The following PTP4A3 variants were observed in gnomAD, a reference collection of about 807,000 sequenced individuals.
The protein encoded by PTP4A3 is protein tyrosine phosphatase type IVA 3.
Under a neutral mutation model 15.2 loss-of-function variants are expected in PTP4A3, and 9 were observed. That is an observed-to-expected ratio of 0.59 (90% confidence interval 0.36 to 1.03). The LOEUF is 1.03. Among genes scored for constraint, PTP4A3 ranks in the 50% least tolerant of loss-of-function variants. PTP4A3 has a pLI of 0.02. For missense variants in PTP4A3, 234 were observed against 252.1 expected (o/e 0.93, Z 0.49); for synonymous variants, 95 against 102.0 (o/e 0.93, Z 0.41).
intron 1 of PTP4A3, among the ~76,000 whole-genome samples, chr8:141,402,848 TC>T: frequency 6.6e-6 from 1 of 151,808 alleles, no homozygotes; most frequent in East Asian, 1.9e-4. Context: ...ATCCCCAGCC[TC>T]CCCTGAAGAG....
At position 141,421,369 on chromosome 8, in the gene PTP4A3, C is replaced by T. The variant is rs1052060467; in HGVS notation, c.-853-19C>T. The T allele has an allele frequency of 1.3e-5, 2 of 152,272 alleles. No individual in the cohort carries two copies. The highest frequency in any genetic ancestry group is 2.9e-5 in the Non-Finnish European group (2 of 68,080). 9.4% of individuals were successfully genotyped at this position (152,272 alleles called of 1,614,324 possible). A position where few individuals can be genotyped will look rare whatever the true frequency, so the allele number is the denominator to read the frequency against. ...CCCTGTGATCCCTTTCTATTCATTT[C>T]CTTCGTCTTTCCCCACAGATGCTGT... On this transcript the variant is annotated intron_variant, in intron 1 of 5. Transcript: ENST00000521578.
intron 1 of PTP4A3, among the ~76,000 whole-genome samples, chr8:141,395,150 T>C (rs1487596316): frequency 2.0e-5 from 3 of 152,128 alleles, no homozygotes; most frequent in Non-Finnish European, 4.4e-5. Flanking sequence ...CGTGCCAGTG[T>C]GGGTGGGGCA....
At position 141,406,320 on chromosome 8, in the gene PTP4A3, C is replaced by A. The variant is rs1179094065; in HGVS notation, c.-854+14236C>A. ...CCTTGCACTTGATTCTGTGATGTGC[C>A]TGGACTGGGGATTGTGGAGGCCTGT... On this transcript the variant is annotated intron_variant, in intron 1 of 5. Transcript: ENST00000521578. The surrounding 1 kb of genome is among the most constrained non-coding windows in gnomAD (Gnocchi z 4.5). 6.6e-6 allele frequency among the ~76,000 whole-genome samples: 1 copy of A among 152,136 alleles called. No homozygotes were observed. Among genetic ancestry groups the A allele is most frequent in the African/African-American group, 2.4e-5 (1 of 41,428 alleles).
At chr8:141,416,218 G>GC (rs1366125243) in intron 1 of PTP4A3, among the ~76,000 whole-genome samples, 1 of 152,006 alleles carries the variant, frequency 6.6e-6, no homozygotes, top group Non-Finnish European at 1.5e-5. Flanking sequence ...GAAAACTGAG[G>GC]CTGGGGGGCA....
intron 1 of PTP4A3, among the ~76,000 whole-genome samples, chr8:141,417,890 C>A (rs927417117): frequency 3.9e-5 from 6 of 151,946 alleles, no homozygotes; most frequent in Non-Finnish European, 5.9e-5. Flanking sequence ...TATAAATAGC[C>A]GCAGGCGGCG....
At chr8:141,400,571 A>G (rs1832565714) in intron 1 of PTP4A3, among the ~76,000 whole-genome samples, 1 of 152,184 alleles carries the variant, frequency 6.6e-6, no homozygotes, top group Non-Finnish European at 1.5e-5. Flanking sequence ...CCCCACCCCC[A>G]TGATGGGCTC....
intron 2 of PTP4A3, among the ~76,000 whole-genome samples, chr8:141,424,121 G>T (rs1031630593): frequency 1.3e-5 from 2 of 152,076 alleles, no homozygotes; most frequent in African/African-American, 4.8e-5. Context: ...TGGCCACAGA[G>T]CCCAGCACCC....
At chr8:141,412,636 T>C (rs1165585226) in intron 1 of PTP4A3, among the ~76,000 whole-genome samples, 2 of 152,196 alleles carry the variant, frequency 1.3e-5, no homozygotes, top group Non-Finnish European at 2.9e-5. Flanking sequence ...GCACATGGAA[T>C]TCAGCCAAAC....
chr8:141,425,160 G>A lies in PTP4A3; in HGVS notation c.198+20G>A. Reference sequence around the variant, plus strand: ...GTTGTGGTGAGGCGCGCGCCACGGGGACCCTAGTCACTGCTGCCACCGGGG... The same window carrying A: ...GTTGTGGTGAGGCGCGCGCCACGGGAACCCTAGTCACTGCTGCCACCGGGG... On this transcript the variant is annotated intron_variant, in intron 3 of 5. Transcript: ENST00000521578. The surrounding 1 kb of genome is among the most constrained non-coding windows in gnomAD (Gnocchi z 4.2). 1 of 717,780 alleles carries A rather than the reference G, an allele frequency of 1.4e-6. No individual in the cohort carries two copies. The allele number at this position is 717,780 out of a possible 1,614,324, so 44.5% of individuals were successfully genotyped here. A position where few individuals can be genotyped will look rare whatever the true frequency, so the allele number is the denominator to read the frequency against.
chr8:141,418,250 C>T (rs867860851), intron 1 of PTP4A3, among the ~76,000 whole-genome samples: 24 of 152,354 alleles, frequency 1.6e-4, no homozygotes, highest in Admixed American at 4.6e-4. Flanking sequence ...CGCTGAGCCC[C>T]GGGCCTCCAG....
intron 1 of PTP4A3, among the ~76,000 whole-genome samples, chr8:141,408,678 T>A (rs1461864252): frequency 6.6e-6 from 1 of 150,902 alleles, no homozygotes; most frequent in African/African-American, 2.4e-5. Context: ...TCTCAAAAAA[T>A]AAATTAGGAT....
At position 141,406,919 on chromosome 8, in the gene PTP4A3, G is replaced by A. The variant is rs1385351613; in HGVS notation, c.-853-14469G>A. On this transcript the variant is annotated intron_variant, in intron 1 of 5. Transcript: ENST00000521578. The surrounding 1 kb of genome is among the most constrained non-coding windows in gnomAD (Gnocchi z 4.5). ...GGTTATGCTTTGAACTTCCAAAAAT[G>A]CGCTCAGAAATCTTTCCTGTCCTCT... is the stretch of plus-strand genomic sequence containing the variant. 1.3e-5 allele frequency among the ~76,000 whole-genome samples: 2 copies of A among 152,186 alleles called. No homozygotes were observed. Among genetic ancestry groups the A allele is most frequent in the Non-Finnish European group, 2.9e-5 (2 of 68,034 alleles).
Position 141,425,098 on chromosome 8 carries a change from C to G in PTP4A3, c.156C>G (p.Thr52=), listed in dbSNP as rs1432641188. 6.2e-7 allele frequency: 1 copy of G among 1,609,732 alleles called. No individual in the cohort carries two copies. Among genetic ancestry groups the G allele is most frequent in the Non-Finnish European group, 8.5e-7 (1 of 1,177,690 alleles). The stretch of plus-strand genomic sequence containing the variant: ...CTGTGGTGCGTGTGTGTGAAGTGAC[C>G]TATGACAAAACGCCGCTGGAGAAGG... ...ATTVVRVCEV[T]YDKTPLEKDG... Residue 52 remains threonine (T), a synonymous_variant, in exon 3 of 6, where the codon ACC becomes ACG. Coordinates refer to ENST00000521578, the MANE Select transcript of PTP4A3 (RefSeq NM_032611.3). The surrounding 1 kb of genome is among the most constrained non-coding windows in gnomAD (Gnocchi z 4.2).
intron 3 of PTP4A3, among the ~76,000 whole-genome samples, chr8:141,426,017 C>T (rs1453884787): frequency 3.3e-5 from 5 of 152,212 alleles, no homozygotes; most frequent in Non-Finnish European, 7.3e-5. Flanking sequence ...GGGGTGCGCC[C>T]ACACCCTCCC....
rs557242138 is a variant in PTP4A3 at position 141,420,312 on chromosome 8, G to A, written c.-853-1076G>A. On this transcript the variant is annotated intron_variant, in intron 1 of 5. Coordinates refer to ENST00000521578, the MANE Select transcript of PTP4A3 (RefSeq NM_032611.3). ...GGGCCAGCAGTGCGGGGACCCCTCA[G>A]CAGCAGTGCCCAAATACAGCTTGGG... is the stretch of plus-strand genomic sequence containing the variant. Among the ~76,000 whole-genome samples, 261 of 152,304 alleles carry A rather than the reference G, an allele frequency of 1.7e-3. 2 individuals carry two copies. Among genetic ancestry groups the A allele is most frequent in the African/African-American group, 5.9e-3 (245 of 41,558 alleles).
At chr8:141,420,568 G>A (rs1041452287) in intron 1 of PTP4A3, among the ~76,000 whole-genome samples, 9 of 152,204 alleles carry the variant, frequency 5.9e-5, no homozygotes, top group African/African-American at 1.9e-4. Flanking sequence ...CTGTCATGGT[G>A]TGAACCCACT....
intron 1 of PTP4A3, among the ~76,000 whole-genome samples, chr8:141,405,490 G>A (rs1832698555): frequency 1.3e-5 from 2 of 152,244 alleles, no homozygotes; most frequent in Non-Finnish European, 2.9e-5. Context: ...GCTTGGGTGA[G>A]AAGGAATGGC....
chr8:141,393,369 C>A lies in PTP4A3; in HGVS notation c.-854+1285C>A, dbSNP rs575377833. On this transcript the variant is annotated intron_variant, in intron 1 of 5. Coordinates refer to ENST00000521578, the MANE Select transcript of PTP4A3 (RefSeq NM_032611.3). ...GGATCTCCCCATCACCACGCCGGCC[C>A]CCCTCACTGTGGTTACGAAGGAGGA... is the stretch of plus-strand genomic sequence containing the variant. Among the ~76,000 whole-genome samples, 22 of 152,324 alleles carry A rather than the reference C, an allele frequency of 1.4e-4. 1 individual carries two copies. Among genetic ancestry groups the A allele is most frequent in the Middle Eastern group, 3.4e-3 (1 of 294 alleles).
intron 1 of PTP4A3, among the ~76,000 whole-genome samples, chr8:141,399,689 G>A (rs575286006): frequency 6.6e-6 from 1 of 152,336 alleles, no homozygotes; most frequent in East Asian, 1.9e-4. Flanking sequence ...CTTCTGAGTC[G>A]GTGACTGCAA....
Sources: allele counts gnomAD v4.1 joint callset (sites outside exome capture counted in the v4.1 genomes callset), GRCh38; gene constraint gnomAD v4.1.1; non-coding constraint Gnocchi (gnomAD v3.1); transcripts MANE v1.5; gene names NCBI Gene and HGNC (gene_info 2026-07-23, HGNC 2026-07-21).